LSAMP: variants seen among roughly 807,000 people sequenced by gnomAD.
LSAMP encodes limbic system associated membrane protein, also known as limbic system-associated membrane protein.
In LSAMP, 7 loss-of-function variants were observed where a neutral mutation model predicts 38.6. That is an observed-to-expected ratio of 0.18 (90% CI 0.10 to 0.34). The LOEUF (loss-of-function observed/expected upper bound fraction) is 0.34. Ranked by LOEUF, LSAMP falls within the 10% of genes least tolerant of loss-of-function variation. The pLI is 1.00. For synonymous variants in LSAMP, 154 were observed against 166.8 expected (o/e 0.92, Z 0.59); for missense variants, 313 against 420.0 (o/e 0.75, Z 2.23).
At chr3:116,353,759 T>C (rs2048181646) in intron 1 of LSAMP, among the ~76,000 whole-genome samples, 1 of 152,116 alleles carries the variant, frequency 6.6e-6, no homozygotes, top group Non-Finnish European at 1.5e-5. Context: ...ATGAAATGCA[T>C]TGATTTTATA....
intron 2 of LSAMP, among the ~76,000 whole-genome samples, chr3:116,044,710 CAT>C (rs1941251600): frequency 6.6e-6 from 1 of 151,982 alleles, no homozygotes; most frequent in Non-Finnish European, 1.5e-5. Flanking sequence ...GAAGGTAATT[CAT>C]ATATCACAAT....
At chr3:115,877,748 C>T (rs1434895504) in intron 3 of LSAMP, among the ~76,000 whole-genome samples, 4 of 152,092 alleles carry the variant, frequency 2.6e-5, no homozygotes, top group Non-Finnish European at 5.9e-5. Context: ...CTTCTAATCA[C>T]GTGGGCATGC....
At chr3:116,010,904 T>C (rs953196538) in intron 3 of LSAMP, among the ~76,000 whole-genome samples, 4 of 152,208 alleles carry the variant, frequency 2.6e-5, no homozygotes, top group Non-Finnish European at 5.9e-5. Context: ...AATATTTCTA[T>C]TTTTTTAGAA....
intron 1 of LSAMP, among the ~76,000 whole-genome samples, chr3:116,265,144 G>C (rs556086777): frequency 1.3e-5 from 2 of 152,334 alleles, no homozygotes; most frequent in Non-Finnish European, 2.9e-5. Flanking sequence ...TCAGTGCCAG[G>C]AATGGGGACA....
At chr3:116,180,524 G>A (rs550372411) in intron 1 of LSAMP, among the ~76,000 whole-genome samples, 11 of 152,048 alleles carry the variant, frequency 7.2e-5, no homozygotes, top group African/African-American at 9.7e-5. Context: ...GATTTGAAAC[G>A]ACTATTGGCT....
At chr3:116,057,258 A>G (rs1941506500) in intron 2 of LSAMP, among the ~76,000 whole-genome samples, 1 of 152,238 alleles carries the variant, frequency 6.6e-6, no homozygotes, top group African/African-American at 2.4e-5. Flanking sequence ...TCAACCAGGT[A>G]TTAGATTATA....
At chr3:116,207,351 T>C (rs2046084423) in intron 1 of LSAMP, among the ~76,000 whole-genome samples, 1 of 152,168 alleles carries the variant, frequency 6.6e-6, no homozygotes, top group Non-Finnish European at 1.5e-5. Flanking sequence ...GTCTTGACTC[T>C]TTATCCAATT....
intron 6 of LSAMP, among the ~76,000 whole-genome samples, chr3:115,824,725 AAAG>A (rs1297474576): frequency 7.9e-5 from 12 of 151,974 alleles, no homozygotes; most frequent in Admixed American, 4.6e-4. Context: ...AAAAAAAAAA[AAAG>A]AACTAGCTTC....
chr3:116,091,736 T>C (rs1708128482), intron 1 of LSAMP, among the ~76,000 whole-genome samples: 1 of 152,200 alleles, frequency 6.6e-6, no homozygotes, highest in Non-Finnish European at 1.5e-5. Context: ...GTTGTTTTAA[T>C]AGAATGTTGT....
rs148083422 is a variant in LSAMP, at chr3:115,852,243, C to A, written c.649+240G>T. Among the ~76,000 whole-genome samples, 198 of 152,260 alleles carry A rather than the reference C, an allele frequency of 1.3e-3. 1 individual carries two copies. The highest frequency in any genetic ancestry group is 4.7e-3 in the African/African-American group (194 of 41,542). On this transcript the variant is annotated intron_variant, in intron 4 of 6. Transcript: ENST00000490035. ...GCTGTCTGATCATGTTTTCTTAATT[C>A]TTTAGTCTGAGTAGAAAAGGGTACT...
At chr3:115,910,225 C>G (rs1033938767) in intron 3 of LSAMP, among the ~76,000 whole-genome samples, 1 of 152,106 alleles carries the variant, frequency 6.6e-6, no homozygotes, top group African/African-American at 2.4e-5. Flanking sequence ...CTTTTTTCCA[C>G]CAAGCACTCC....
intron 2 of LSAMP, among the ~76,000 whole-genome samples, chr3:116,037,108 A>C (rs1223086508): frequency 1.3e-5 from 2 of 152,168 alleles, no homozygotes; most frequent in Non-Finnish European, 2.9e-5. Context: ...TGAAATACAA[A>C]ATTATGCTTT....
intron 1 of LSAMP, among the ~76,000 whole-genome samples, chr3:116,264,715 C>T (rs2046871035): frequency 1.3e-5 from 2 of 152,112 alleles, no homozygotes; most frequent in South Asian, 2.1e-4. Context: ...AATCCTCCCA[C>T]CTTAGCCATA....
intron 1 of LSAMP, among the ~76,000 whole-genome samples, chr3:116,117,249 C>T (rs1422324295): frequency 2.0e-5 from 3 of 152,120 alleles, no homozygotes; most frequent in Non-Finnish European, 4.4e-5. Flanking sequence ...GCTAAAGGCT[C>T]CACTGCAGGG....
chr3:116,250,756 G>A (rs2046670760), intron 1 of LSAMP, among the ~76,000 whole-genome samples: 1 of 151,864 alleles, frequency 6.6e-6, no homozygotes, highest in Non-Finnish European at 1.5e-5. Flanking sequence ...TCTAGTCCCA[G>A]TGCCTCAAGA....
At chr3:116,162,207 G>T (rs1425468313) in intron 1 of LSAMP, among the ~76,000 whole-genome samples, 1 of 152,272 alleles carries the variant, frequency 6.6e-6, no homozygotes, top group African/African-American at 2.4e-5. Context: ...TTATGTGGCT[G>T]GTAATAAGTG....
chr3:116,175,107 T>C (rs1710304855), intron 1 of LSAMP, among the ~76,000 whole-genome samples: 1 of 152,142 alleles, frequency 6.6e-6, no homozygotes, highest in South Asian at 2.1e-4. Context: ...TTACTCACAG[T>C]ATATAACACT....
chr3:116,057,542 T>C (rs186642155), intron 2 of LSAMP, among the ~76,000 whole-genome samples: 199 of 152,226 alleles, frequency 1.3e-3, no homozygotes, highest in African/African-American at 4.3e-3. Flanking sequence ...CCAGTCAGAT[T>C]ATTTCTTTCA....
chr3:115,986,541 C>A (rs1474067616), intron 3 of LSAMP, among the ~76,000 whole-genome samples: 1 of 151,998 alleles, frequency 6.6e-6, no homozygotes, highest in East Asian at 1.9e-4. Flanking sequence ...TCTTTTTAAA[C>A]CCTGGGCCAC....
Sources: gnomAD v4.1 joint callset for allele counts (sites outside exome capture counted in the v4.1 genomes callset) on GRCh38, gnomAD v4.1.1 for gene constraint, MANE v1.5 for transcripts, NCBI Gene and HGNC (gene_info 2026-07-23, HGNC 2026-07-21) for gene names.